Variants in MIPOL1 observed in about 807,000 individuals in gnomAD.
MIPOL1 encodes the protein mirror-image polydactyly 1.
A neutral mutation model predicts 60.9 loss-of-function variants in MIPOL1; 57 were observed. That is an observed-to-expected ratio of 0.94 (90% confidence interval 0.76 to 1.17). The LOEUF (loss-of-function observed/expected upper bound fraction) is 1.17. Among genes scored for constraint, MIPOL1 ranks in the 50% most tolerant of loss-of-function variants. The pLI is 0.00. For missense variants in MIPOL1, 551 were observed against 511.6 expected, an observed-to-expected ratio of 1.08 and a Z score of -0.74; for synonymous variants, 179 against 168.8, an observed-to-expected ratio of 1.06 and a Z score of -0.47.
intron 10 of MIPOL1, among the ~76,000 whole-genome samples, chr14:37,421,364 GC>G (rs1447338191): frequency 1.3e-5 from 2 of 152,064 alleles, no homozygotes; most frequent in Non-Finnish European, 2.9e-5. Context: ...TTCCTTAAAT[GC>G]ATGTCTGAAG....
intron 12 of MIPOL1, among the ~76,000 whole-genome samples, chr14:37,536,764 C>T (rs1384948080): frequency 6.6e-6 from 1 of 152,090 alleles, no homozygotes; most frequent in Non-Finnish European, 1.5e-5. Context: ...CCATGACTAG[C>T]CCAAACAATT....
Position 37,456,707 on chromosome 14 carries a change from T to C in MIPOL1, c.1031+33758T>C, listed in dbSNP as rs578216272. ...GAGATCTCGTAGTTGTATTTGTCAC[T>C]TCCAAAAGTAAATTTCATATAGGCA... On this transcript the variant is annotated intron_variant, in intron 11 of 12. Coordinates refer to ENST00000684589, the MANE Select transcript of MIPOL1 (RefSeq NM_001388067.1). Among the ~76,000 whole-genome samples the C allele has an allele frequency of 2.4e-4, 36 of 152,244 alleles. 1 individual carries two copies. The highest frequency in any genetic ancestry group is 1.2e-3 in the South Asian group (6 of 4,832).
intron 12 of MIPOL1, among the ~76,000 whole-genome samples, chr14:37,514,183 C>T (rs537905887): frequency 2.6e-5 from 4 of 152,072 alleles, no homozygotes; most frequent in Non-Finnish European, 4.4e-5. Context: ...CTAACAGGTA[C>T]GCTTTTCCCT....
chr14:37,274,161 TAAAA>T (rs2083479132), intron 6 of MIPOL1, among the ~76,000 whole-genome samples: 1 of 151,608 alleles, frequency 6.6e-6, no homozygotes, highest in East Asian at 1.9e-4. Context: ...GAATTCAAAA[TAAAA>T]GAAATGAGAT....
intron 12 of MIPOL1, chr14:37,546,165 C>A (rs2095546594): frequency 6.6e-6 from 1 of 152,416 alleles, no homozygotes; most frequent in African/African-American, 2.4e-5. Context: ...GACTTGTGAA[C>A]TTTCGACTCT....
At chr14:37,357,686 A>G (rs943882588) in intron 9 of MIPOL1, among the ~76,000 whole-genome samples, 1 of 151,840 alleles carries the variant, frequency 6.6e-6, no homozygotes, top group African/African-American at 2.4e-5. Context: ...ATAGTTTGCA[A>G]ATATTTTCTC....
At chr14:37,409,004 T>C (rs926230970) in intron 10 of MIPOL1, among the ~76,000 whole-genome samples, 1 of 152,186 alleles carries the variant, frequency 6.6e-6, no homozygotes, top group Non-Finnish European at 1.5e-5. Flanking sequence ...AGGAATATTT[T>C]GTATCTTCAT....
intron 3 of MIPOL1, among the ~76,000 whole-genome samples, chr14:37,259,833 G>A (rs1004315444): frequency 6.6e-6 from 1 of 152,080 alleles, no homozygotes; most frequent in East Asian, 1.9e-4. Flanking sequence ...AGCAATTTGA[G>A]CAATGTATCT....
rs571863291 is a variant in MIPOL1, at chr14:37,324,174, C to T, written c.828+15655C>T. ...GGAAGTGACTGTATTATTTTACATT[C>T]TCAGCAGCAATTTACTGAAGTTCTG... On this transcript the variant is annotated intron_variant, in intron 9 of 12. Transcript: ENST00000684589. Among the ~76,000 whole-genome samples, 3 of 152,090 alleles carry T rather than the reference C, an allele frequency of 2.0e-5. No homozygotes were observed. The East Asian group carries it at 5.8e-4, about 29-fold the overall frequency.
chr14:37,307,533 G>T (rs1250085847), intron 7 of MIPOL1, among the ~76,000 whole-genome samples: 1 of 151,758 alleles, frequency 6.6e-6, no homozygotes, highest in East Asian at 1.9e-4. Context: ...TAAAAATTGT[G>T]GTCAGCCTTC....
chr14:37,209,013 A>G lies in MIPOL1; in HGVS notation c.-199+10909A>G, dbSNP rs899686379. Reference sequence around the variant, plus strand: ...ATATTGCATAAATTTGAATAAGTTGAATAAAATTACAAAATATAATTTAAT... The same window carrying G: ...ATATTGCATAAATTTGAATAAGTTGGATAAAATTACAAAATATAATTTAAT... On this transcript the variant is annotated intron_variant, in intron 1 of 12. Coordinates refer to ENST00000684589, the MANE Select transcript of MIPOL1 (RefSeq NM_001388067.1). 2.6e-5 allele frequency among the ~76,000 whole-genome samples: 4 copies of G among 152,236 alleles called. No individual in the cohort carries two copies. The South Asian group carries it at 8.3e-4, about 32-fold the overall frequency.
At chr14:37,219,287 C>G (rs1007015605) in intron 1 of MIPOL1, among the ~76,000 whole-genome samples, 2 of 152,170 alleles carry the variant, frequency 1.3e-5, no homozygotes, top group Admixed American at 1.3e-4. Flanking sequence ...CACAGAAACC[C>G]AAAAGGTTGA....
intron 10 of MIPOL1, among the ~76,000 whole-genome samples, chr14:37,379,060 C>A (rs1196549243): frequency 1.3e-5 from 2 of 151,896 alleles, no homozygotes; most frequent in Non-Finnish European, 2.9e-5. Flanking sequence ...TGATGTAATG[C>A]CTACTACAAA....
chr14:37,480,977 T>C (rs1036271779), intron 11 of MIPOL1, among the ~76,000 whole-genome samples: 2 of 151,994 alleles, frequency 1.3e-5, no homozygotes, highest in Non-Finnish European at 2.9e-5. Context: ...CGTCTCTATT[T>C]AAAAATTTAA....
intron 1 of MIPOL1, among the ~76,000 whole-genome samples, chr14:37,233,689 A>G (rs1016190012): frequency 6.6e-6 from 1 of 152,192 alleles, no homozygotes; most frequent in African/African-American, 2.4e-5. Flanking sequence ...ACTCTCACAA[A>G]ATTGCCCTTG....
At chr14:37,494,925 C>T (rs967948031) in intron 11 of MIPOL1, among the ~76,000 whole-genome samples, 7 of 151,840 alleles carry the variant, frequency 4.6e-5, no homozygotes, top group East Asian at 1.9e-4. Flanking sequence ...TTTGAACTTG[C>T]GGGTACAATC....
chr14:37,513,644 C>A (rs2095346641), intron 12 of MIPOL1, among the ~76,000 whole-genome samples: 1 of 152,066 alleles, frequency 6.6e-6, no homozygotes, highest in Non-Finnish European at 1.5e-5. Context: ...TAAACCTAGA[C>A]TCTGTATTTT....
intron 12 of MIPOL1, among the ~76,000 whole-genome samples, chr14:37,536,269 A>T (rs1417428112): frequency 6.6e-6 from 1 of 152,186 alleles, no homozygotes; most frequent in Non-Finnish European, 1.5e-5. Flanking sequence ...CCAGCCAATC[A>T]TACCAGTTGA....
chr14:37,510,486 C>T (rs2095319823), intron 12 of MIPOL1, among the ~76,000 whole-genome samples: 1 of 152,140 alleles, frequency 6.6e-6, no homozygotes, highest in Non-Finnish European at 1.5e-5. Context: ...ATCTGCCCGC[C>T]TCAGCCTCCC....
Sources: gnomAD v4.1 joint callset for allele counts (sites outside exome capture counted in the v4.1 genomes callset) on GRCh38, gnomAD v4.1.1 for gene constraint, MANE v1.5 for transcripts, NCBI Gene and HGNC (gene_info 2026-07-23, HGNC 2026-07-21) for gene names.